EBF4: variants seen among roughly 807,000 people sequenced by gnomAD.
EBF4 encodes the protein transcription factor COE4.
A neutral mutation model predicts 67.1 loss-of-function variants in EBF4; 34 were observed. That is an observed-to-expected ratio of 0.51 (90% CI 0.39 to 0.67). The LOEUF (loss-of-function observed/expected upper bound fraction) is 0.67, where lower values mean the gene tolerates loss of function less well. Ranked by LOEUF, EBF4 falls within the 30% of genes least tolerant of loss-of-function variation. The pLI is 0.00. For missense variants in EBF4, 837 were observed against 873.3 expected (o/e 0.96, Z 0.52); for synonymous variants, 387 against 377.7 (o/e 1.02, Z -0.29).
At chr20:2,740,561 A>G (rs1404697145) in intron 6 of EBF4, among the ~76,000 whole-genome samples, 1 of 152,212 alleles carries the variant, frequency 6.6e-6, no homozygotes, top group Non-Finnish European at 1.5e-5. Flanking sequence ...AAGTGAGAAC[A>G]TAATTTCAGC....
chr20:2,700,518 AC>A (rs2087359037), intron 1 of EBF4, among the ~76,000 whole-genome samples: 1 of 152,154 alleles, frequency 6.6e-6, no homozygotes, highest in African/African-American at 2.4e-5. Context: ...GCCTTGGTCC[AC>A]ATCTCTCTGT....
chr20:2,702,427 C>CA (rs11476966), intron 1 of EBF4, among the ~76,000 whole-genome samples: 8,219 of 138,562 alleles, frequency 0.059, 577 homozygotes, highest in African/African-American at 0.17. Flanking sequence ...GATCCTGTCT[C>CA]AAAAAAAAAA....
Position 2,693,775 on chromosome 20 carries a change from G to T in EBF4, c.130G>T (p.Ala44Ser). The stretch of plus-strand genomic sequence containing the variant: ...GGGCATCCTGGACGCCAGCACCGCG[G>T]CGCAGAGGTAAGCGCTCGGACCGGA... Residue 44 changes from alanine (A) to serine (S), a missense_variant, in exon 1 of 17, where the codon GCG becomes TCG. Coordinates refer to ENST00000609451, the Ensembl canonical transcript of EBF4. This position sits in a 1 kb window ranked among gnomAD's most constrained non-coding sequence, Gnocchi z 4.6. 1 of 1,329,462 alleles carries T rather than the reference G, an allele frequency of 7.5e-7. No individual in the cohort carries two copies. Among genetic ancestry groups the T allele is most frequent in the Non-Finnish European group, 9.6e-7 (1 of 1,041,372 alleles). The allele number at this position is 1,329,462 out of a possible 1,614,324, so 82.4% of individuals were successfully genotyped here.
At chr20:2,709,636 T>C (rs1271348514) in exon 6 of EBF4, 2 of 1,552,796 alleles carry the variant, frequency 1.3e-6, no homozygotes, top group African/African-American at 1.4e-5. Context: ...CCCGTCATCA[T>C]TGACAGGTAC....
chr20:2,741,605 T>A (rs949589400), intron 6 of EBF4, among the ~76,000 whole-genome samples: 3 of 152,164 alleles, frequency 2.0e-5, no homozygotes. Context: ...TGGGGAGGAA[T>A]AAAAAGCGTT....
At chr20:2,734,122 T>TC (rs2087848861) in intron 6 of EBF4, among the ~76,000 whole-genome samples, 1 of 152,184 alleles carries the variant, frequency 6.6e-6, no homozygotes, top group African/African-American at 2.4e-5. Flanking sequence ...AAAGTCTTTA[T>TC]CTATGCCAGC....
rs1401085620 is a variant in EBF4, at chr20:2,756,264, T to TA, written c.1738+441dup. On this transcript the variant is annotated intron_variant, in intron 15 of 16. Coordinates refer to ENST00000609451, the Ensembl canonical transcript of EBF4. This position sits in a 1 kb window ranked among gnomAD's most constrained non-coding sequence, Gnocchi z 4.5. ...GCTGACCATGGAAGGGGACTGACCT[T>TA]AGAAGAGGCTTAGCCCAGCTTCCCT... 6.6e-6 allele frequency among the ~76,000 whole-genome samples: 1 copy of TA among 152,182 alleles called. No homozygotes were observed. Among genetic ancestry groups the TA allele is most frequent in the Non-Finnish European group, 1.5e-5 (1 of 68,030 alleles).
At chr20:2,701,018 G>A (rs2087367120) in intron 1 of EBF4, among the ~76,000 whole-genome samples, 1 of 152,236 alleles carries the variant, frequency 6.6e-6, no homozygotes, top group African/African-American at 2.4e-5. Flanking sequence ...GCAGCCCCAT[G>A]TGCGCTGCAG....
At chr20:2,712,482 G>T (rs893070727) in intron 6 of EBF4, among the ~76,000 whole-genome samples, 26 of 152,196 alleles carry the variant, frequency 1.7e-4, no homozygotes, top group African/African-American at 6.0e-4. Flanking sequence ...TTCCTGAGAA[G>T]GGTGTGATTT....
chr20:2,719,238 G>A (rs1382578205), intron 6 of EBF4, among the ~76,000 whole-genome samples: 3 of 152,072 alleles, frequency 2.0e-5, no homozygotes, highest in Admixed American at 2.0e-4. Context: ...GACTACAGGT[G>A]TGTGCCACCA....
At chr20:2,716,220 T>TA (rs35206416) in intron 6 of EBF4, among the ~76,000 whole-genome samples, 1,492 of 118,232 alleles carry the variant, frequency 0.013, 9 homozygotes, top group Non-Finnish European at 0.014. Flanking sequence ...GACCCTGTCT[T>TA]AAAAAAAAAA....
At chr20:2,705,265 C>A (rs545506060) in intron 1 of EBF4, among the ~76,000 whole-genome samples, 3 of 152,230 alleles carry the variant, frequency 2.0e-5, no homozygotes, top group Non-Finnish European at 4.4e-5. Flanking sequence ...ATTTTTGAGA[C>A]TGGCCTTGCA....
intron 5 of EBF4, among the ~76,000 whole-genome samples, chr20:2,708,380 G>A (rs1019574968): frequency 9.9e-5 from 15 of 152,228 alleles, no homozygotes; most frequent in African/African-American, 3.6e-4. Context: ...GCTAATCTTT[G>A]AGGAAATTTT....
chr20:2,752,491 G>T (rs964966996), exon 14 of EBF4: 1 of 1,260,974 alleles, frequency 7.9e-7, no homozygotes. Context: ...CGGCCTCGGC[G>T]TGCCTGGGTC....
intron 6 of EBF4, among the ~76,000 whole-genome samples, chr20:2,719,915 TAGTGTTGTTCA>T (rs1261428213): frequency 1.3e-5 from 2 of 152,252 alleles, no homozygotes; most frequent in African/African-American, 4.8e-5. Context: ...AGTTAATTGA[TAGTGTTGTTCA>T]AGTGTTGTTT....
rs1024792221 is a variant in EBF4 at position 2,696,352 on chromosome 20, G to A, written c.137+2570G>A. 6.6e-6 allele frequency among the ~76,000 whole-genome samples: 1 copy of A among 152,096 alleles called. No individual in the cohort carries two copies. Among genetic ancestry groups the A allele is most frequent in the Non-Finnish European group, 1.5e-5 (1 of 68,030 alleles). On this transcript the variant is annotated intron_variant, in intron 1 of 16. Coordinates refer to ENST00000609451, the Ensembl canonical transcript of EBF4. The surrounding 1 kb of genome is among the most constrained non-coding windows in gnomAD (Gnocchi z 4.7). The stretch of plus-strand genomic sequence containing the variant: ...CTGGGCGTGGTGAAGCATGCTTGTA[G>A]TGCCAGCTACTTGGGAGGCTGAGGT...
At position 2,751,841 on chromosome 20, in the gene EBF4, G is replaced by A; in HGVS notation, c.1107+53G>A. On this transcript the variant is annotated intron_variant, in intron 11 of 16. Transcript: ENST00000609451. The surrounding 1 kb of genome is among the most constrained non-coding windows in gnomAD (Gnocchi z 5.2). ...GCTGAGGGTGTCCTGTGGGCAAGGGGGTGAGGAGGGGCTCCCGAGGGCCCC... is the reference window on the plus strand; with the variant it reads ...GCTGAGGGTGTCCTGTGGGCAAGGGAGTGAGGAGGGGCTCCCGAGGGCCCC... 1 of 1,541,870 alleles carries A rather than the reference G, an allele frequency of 6.5e-7. No homozygotes were observed. Among genetic ancestry groups the A allele is most frequent in the Admixed American group, 2.0e-5 (1 of 50,958 alleles).
At chr20:2,700,022 C>G (rs1161731243) in intron 1 of EBF4, among the ~76,000 whole-genome samples, 1 of 152,192 alleles carries the variant, frequency 6.6e-6, no homozygotes, top group Non-Finnish European at 1.5e-5. Context: ...CTGCTCAGCC[C>G]AGAAGTACCT....
intron 6 of EBF4, among the ~76,000 whole-genome samples, chr20:2,718,088 C>T (rs189997497): frequency 2.6e-5 from 4 of 152,158 alleles, no homozygotes; most frequent in Admixed American, 1.3e-4. Context: ...GAATTACAGG[C>T]GTGAGCCACC....
Sources: gnomAD v4.1 joint callset for allele counts (sites outside exome capture counted in the v4.1 genomes callset) on GRCh38, gnomAD v4.1.1 for gene constraint, Gnocchi (gnomAD v3.1) non-coding constraint, MANE v1.5 for transcripts, NCBI Gene and HGNC (gene_info 2026-07-23, HGNC 2026-07-21) for gene names.